The following HIVEP1 variants were observed in gnomAD, a reference collection of about 807,000 sequenced individuals.
HIVEP1 encodes HIVEP zinc finger 1, also known as zinc finger protein 40.
A neutral mutation model predicts 180.0 loss-of-function variants in HIVEP1; 36 were observed. The ratio of observed to expected loss-of-function variants is 0.20; its 90% CI spans 0.15 to 0.26. HIVEP1 has a LOEUF of 0.26. HIVEP1 is among the 10% of genes least tolerant of loss of function. The pLI is 1.00. For missense variants in HIVEP1, 3,143 were observed against 3,268.7 expected, an observed-to-expected ratio of 0.96 and a Z score of 0.94; for synonymous variants, 1,239 against 1,239.0, an observed-to-expected ratio of 1.00 and a Z score of 0.00.
rs368028074 is a variant in HIVEP1 at position 12,121,300 on chromosome 6, A to C, written c.1505A>C (p.Asp502Ala). ...GAGAGCGAGGAGGAAGGCGCCACTG[A>C]TGAGAGACAGCATGACCTGGGCGCC... The part of the protein sequence containing the change: ...SGESEEEGAT[D>A]ERQHDLGAME... Residue 502 changes from aspartate (D) to alanine (A), a missense_variant, in exon 4 of 9, where the codon GAT becomes GCT. Asp to Ala is a moderately radical substitution (Grantham distance 126). Transcript: ENST00000379388. The surrounding 1 kb of genome is among the most constrained non-coding windows in gnomAD (Gnocchi z 5.3). The C allele has an allele frequency of 2.2e-5, 36 of 1,614,186 alleles. No individual in the cohort carries two copies. The South Asian group carries it at 3.6e-4, about 16-fold the overall frequency.
chr6:12,066,851 T>G lies in HIVEP1; in HGVS notation c.41-22333T>G, dbSNP rs143294457. 7.3e-3 allele frequency among the ~76,000 whole-genome samples: 1,062 copies of G among 145,622 alleles called. 5 individuals are homozygous for G. Among genetic ancestry groups the G allele is most frequent in the African/African-American group, 0.025 (1,000 of 39,472 alleles). On this transcript the variant is annotated intron_variant, in intron 2 of 8. Coordinates refer to ENST00000379388, the MANE Select transcript of HIVEP1 (RefSeq NM_002114.4). ...TATATATAATGGGATGGTGGATATA[T>G]TTCAAACAAAGACACTGTGTGTGTG...
chr6:12,187,607 T>G, the HIVEP1 span, among the ~76,000 whole-genome samples: 1 of 151,942 alleles, frequency 6.6e-6, no homozygotes, highest in Non-Finnish European at 1.5e-5. Context: ...TTTTTTTTTT[T>G]TTTTAAACGG....
At chr6:12,201,858 C>T in the HIVEP1 span, among the ~76,000 whole-genome samples, 7 of 151,994 alleles carry the variant, frequency 4.6e-5, no homozygotes, top group Non-Finnish European at 1.0e-4. Context: ...CTTTTGAAAA[C>T]AGTATAGGTT....
intron 2 of HIVEP1, chr6:12,038,025 C>T (rs1769410068): frequency 2.8e-6 from 1 of 353,724 alleles, no homozygotes; most frequent in Admixed American, 4.7e-5. Context: ...TGTGGTTTTT[C>T]TTCTTCTTAT....
intron 2 of HIVEP1, among the ~76,000 whole-genome samples, chr6:12,061,744 C>G (rs1386708073): frequency 1.3e-5 from 2 of 151,782 alleles, no homozygotes; most frequent in Non-Finnish European, 2.9e-5. Flanking sequence ...TTATATTTGT[C>G]TTTTGTTTTC....
chr6:12,165,888 C>A (rs1376743095), downstream of HIVEP1, among the ~76,000 whole-genome samples: 1 of 152,168 alleles, frequency 6.6e-6, no homozygotes, highest in African/African-American at 2.4e-5. Context: ...AAAGACCTGG[C>A]ATTTCAACTT....
intron 2 of HIVEP1, among the ~76,000 whole-genome samples, chr6:12,061,967 T>C (rs902025029): frequency 6.6e-6 from 1 of 152,230 alleles, no homozygotes; most frequent in African/African-American, 2.4e-5. Flanking sequence ...CAAGTATTAA[T>C]ATTGTTTTAT....
chr6:12,072,481 G>C (rs1460067461), intron 2 of HIVEP1, among the ~76,000 whole-genome samples: 1 of 151,870 alleles, frequency 6.6e-6, no homozygotes, highest in East Asian at 1.9e-4. Flanking sequence ...GTATCCTTTA[G>C]AGTCATCTTC....
intron 3 of HIVEP1, among the ~76,000 whole-genome samples, chr6:12,094,659 A>C (rs757592097): frequency 6.6e-6 from 1 of 152,086 alleles, no homozygotes; most frequent in Non-Finnish European, 1.5e-5. Flanking sequence ...CATGATGTTT[A>C]ATCTTAATCA....
chr6:12,209,386 T>C, the HIVEP1 span, among the ~76,000 whole-genome samples: 52,553 of 152,094 alleles, frequency 0.35, 11,173 homozygotes, highest in South Asian at 0.49. Context: ...TGAGTCCAGA[T>C]AGCACCGCTG....
At chr6:12,139,091 G>A (rs1208840886) in intron 7 of HIVEP1, among the ~76,000 whole-genome samples, 1 of 151,754 alleles carries the variant, frequency 6.6e-6, no homozygotes, top group African/African-American at 2.4e-5. Context: ...CTTCCACATA[G>A]CAGCCAAAGT....
chr6:12,121,109 T>C lies in HIVEP1; in HGVS notation c.1314T>C (p.Thr438=), dbSNP rs754944617. 3.7e-6 allele frequency: 6 copies of C among 1,614,232 alleles called. No homozygotes were observed. The South Asian group carries it at 6.6e-5, about 18-fold the overall frequency. ...GAGAGCGACCCTATCCCTGTGTGAC[T>C]TGTGGATTTTCATTTAAGACTAAAA... is the stretch of plus-strand genomic sequence containing the variant. ...HTGERPYPCV[T]CGFSFKTKSN... is the part of the protein sequence containing the mutation. Residue 438 remains threonine (T), a synonymous_variant, in exon 4 of 9, where the codon ACT becomes ACC. Coordinates refer to ENST00000379388, the MANE Select transcript of HIVEP1 (RefSeq NM_002114.4). This position sits in a 1 kb window ranked among gnomAD's most constrained non-coding sequence, Gnocchi z 5.3.
At position 12,161,706 on chromosome 6, in the gene HIVEP1, C is replaced by G; in HGVS notation, c.6755C>G (p.Ala2252Gly). Residue 2252 changes from alanine (A) to glycine (G), a missense_variant, in exon 8 of 9, where the codon GCG becomes GGG. Ala to Gly is a moderately conservative substitution (Grantham distance 60). This residue lies in a region of HIVEP1 where 595 missense variants were observed against 602.2 expected (regional missense o/e 0.99). Transcript: ENST00000379388. ...GACCCAATGGACGTTCTGCCCAGGG[C>G]GCTGCTCACCAGAATGACTGTCCTG... ...HTDPMDVLPR[A>G]LLTRMTVLST... 2.5e-6 allele frequency: 4 copies of G among 1,614,126 alleles called. No homozygotes were observed. Among genetic ancestry groups the G allele is most frequent in the Non-Finnish European group, 3.4e-6 (4 of 1,180,002 alleles).
At position 12,154,206 on chromosome 6, in the gene HIVEP1, A is replaced by C. The variant is rs1481685071; in HGVS notation, c.6488-7233A>C. Among the ~76,000 whole-genome samples the C allele has an allele frequency of 2.0e-5, 3 of 152,254 alleles. 1 individual carries two copies. Among genetic ancestry groups the C allele is most frequent in the Middle Eastern group, 6.3e-3 (2 of 316 alleles). On this transcript the variant is annotated intron_variant, in intron 7 of 8. Coordinates refer to ENST00000379388, the MANE Select transcript of HIVEP1 (RefSeq NM_002114.4). ...CCATTTCCTTCTCTTCTTCACCCAC[A>C]GTGAGAAACCTGGTTCGCACCTACA... is the stretch of plus-strand genomic sequence containing the variant.
chr6:12,032,223 C>T (rs1450426718), intron 2 of HIVEP1, among the ~76,000 whole-genome samples: 2 of 149,872 alleles, frequency 1.3e-5, no homozygotes, highest in Non-Finnish European at 2.9e-5. Context: ...TCACTGCAAG[C>T]TCTGCTTCCC....
At chr6:12,207,239 T>G in the HIVEP1 span, among the ~76,000 whole-genome samples, 1 of 152,220 alleles carries the variant, frequency 6.6e-6, no homozygotes, top group African/African-American at 2.4e-5. Context: ...TGCAAATGAT[T>G]TCCCTAGCAT....
At chr6:12,145,386 GA>G (rs1182902949) in intron 7 of HIVEP1, among the ~76,000 whole-genome samples, 1 of 151,998 alleles carries the variant, frequency 6.6e-6, no homozygotes, top group Non-Finnish European at 1.5e-5. Flanking sequence ...GGGCCTGGGG[GA>G]GGGATAGCAT....
intron 2 of HIVEP1, among the ~76,000 whole-genome samples, chr6:12,059,853 G>C (rs1771117810): frequency 6.6e-6 from 1 of 152,046 alleles, no homozygotes; most frequent in African/African-American, 2.4e-5. Context: ...GTAGCACATT[G>C]GTAGATACTT....
rs569188479 is a variant in HIVEP1, at chr6:12,128,950, C to A, written c.6076-809C>A. On this transcript the variant is annotated intron_variant, in intron 4 of 8. Coordinates refer to ENST00000379388, the MANE Select transcript of HIVEP1 (RefSeq NM_002114.4). ...TTTTAGCTGGGCATGGTGGCTCATGCCTGTAATCCCAGCACTTTGGGTGGC... is the reference window on the plus strand; with the variant it reads ...TTTTAGCTGGGCATGGTGGCTCATGACTGTAATCCCAGCACTTTGGGTGGC... Among the ~76,000 whole-genome samples, 7 of 152,274 alleles carry A rather than the reference C, an allele frequency of 4.6e-5. No individual in the cohort carries two copies. In the East Asian group the frequency reaches 1.2e-3, roughly 25 times the overall value.
Sources: allele counts gnomAD v4.1 joint callset (sites outside exome capture counted in the v4.1 genomes callset), GRCh38; gene constraint gnomAD v4.1.1; regional missense constraint gnomAD v4.1.1; non-coding constraint Gnocchi (gnomAD v3.1); transcripts MANE v1.5; gene names NCBI Gene and HGNC (gene_info 2026-07-23, HGNC 2026-07-21).